The following EYS variants were observed in gnomAD, a reference collection of about 807,000 sequenced individuals.
The protein encoded by EYS is EGF-like photoreceptor maintenance factor, also known as protein eyes shut homolog.
Under a neutral mutation model 282.1 loss-of-function variants are expected in EYS, and 250 were observed. That is an observed-to-expected ratio of 0.89 (90% CI 0.80 to 0.98). EYS has a LOEUF of 0.98. EYS is among the 50% of genes least tolerant of loss of function. EYS has a pLI of 0.00. For synonymous variants in EYS, 1,355 were observed against 1,282.9 expected, an observed-to-expected ratio of 1.06 and a Z score of -1.20; for missense variants, 4,016 against 3,709.0, an observed-to-expected ratio of 1.08 and a Z score of -2.15.
chr6:65,462,524 C>A (rs532164274), intron 5 of EYS, among the ~76,000 whole-genome samples: 1 of 151,752 alleles, frequency 6.6e-6, no homozygotes, highest in African/African-American at 2.4e-5. Context: ...TATTAGAATT[C>A]TATTTATTAT....
intron 22 of EYS, among the ~76,000 whole-genome samples, chr6:64,652,848 C>T (rs181936341): frequency 2.6e-5 from 4 of 152,168 alleles, no homozygotes; most frequent in East Asian, 3.9e-4. Flanking sequence ...TTACAAACTT[C>T]GTAAGAACTA....
At chr6:65,126,095 G>C (rs565385888) in intron 12 of EYS, among the ~76,000 whole-genome samples, 1 of 151,964 alleles carries the variant, frequency 6.6e-6, no homozygotes, top group Non-Finnish European at 1.5e-5. Context: ...AACAAGTCAG[G>C]GTTTTGTTTC....
At chr6:65,633,574 T>C in intron 2 of EYS, among the ~76,000 whole-genome samples, 1 of 152,230 alleles carries the variant, frequency 6.6e-6, no homozygotes, top group East Asian at 1.9e-4. Flanking sequence ...TTCACACTGG[T>C]ATTAAGTGGT....
chr6:64,770,732 TAGCAGTATTCATAA>T (rs1773500796), intron 22 of EYS, among the ~76,000 whole-genome samples: 1 of 151,932 alleles, frequency 6.6e-6, no homozygotes, highest in Non-Finnish European at 1.5e-5. Context: ...TTATTATTAG[TAGCAGTATTCATAA>T]AGGAACCTCA....
chr6:64,701,522 C>T (rs1440939967), intron 22 of EYS, among the ~76,000 whole-genome samples: 1 of 152,056 alleles, frequency 6.6e-6, no homozygotes, highest in Non-Finnish European at 1.5e-5. Flanking sequence ...CAGCACTATT[C>T]ACATGCCTTT....
intron 26 of EYS, among the ~76,000 whole-genome samples, chr6:64,535,549 G>A (rs369949657): frequency 6.8e-6 from 1 of 147,666 alleles, no homozygotes; most frequent in Non-Finnish European, 1.5e-5. Flanking sequence ...ACCATCTTGG[G>A]CAACATAGTG....
chr6:63,857,071 C>T (rs144955726), intron 36 of EYS, among the ~76,000 whole-genome samples: 45 of 152,254 alleles, frequency 3.0e-4, no homozygotes, highest in Middle Eastern at 3.4e-3. Flanking sequence ...TCTTACTGAA[C>T]ATTTCCAGGC....
chr6:65,273,987 C>G (rs1315239025), intron 12 of EYS, among the ~76,000 whole-genome samples: 1 of 152,168 alleles, frequency 6.6e-6, no homozygotes, highest in Non-Finnish European at 1.5e-5. Context: ...TAAAACATCA[C>G]TGGTGTCTAC....
chr6:63,982,070 C>A (rs1767125864), intron 35 of EYS, among the ~76,000 whole-genome samples: 2 of 151,758 alleles, frequency 1.3e-5, no homozygotes, highest in Admixed American at 1.3e-4. Flanking sequence ...TTAATTCATG[C>A]AGATAAGAGG....
chr6:65,234,315 A>T (rs1056049106), intron 12 of EYS, among the ~76,000 whole-genome samples: 5 of 152,076 alleles, frequency 3.3e-5, no homozygotes, highest in East Asian at 1.9e-4. Context: ...TGGTGTTATT[A>T]TTTCCTGGTC....
intron 29 of EYS, among the ~76,000 whole-genome samples, chr6:64,380,679 C>A (rs1414680783): frequency 6.6e-6 from 1 of 152,014 alleles, no homozygotes; most frequent in Admixed American, 6.6e-5. Flanking sequence ...TTGCTATACA[C>A]CAAATAATTT....
chr6:64,606,758 T>C (rs1339631021), intron 24 of EYS, among the ~76,000 whole-genome samples: 6 of 151,460 alleles, frequency 4.0e-5, no homozygotes, highest in Admixed American at 3.3e-4. Context: ...ACTCTGGGAA[T>C]GTGCACACAG....
At chr6:65,098,317 C>T (rs141123932) in intron 12 of EYS, among the ~76,000 whole-genome samples, 1 of 150,656 alleles carries the variant, frequency 6.6e-6, no homozygotes, top group East Asian at 1.9e-4. Context: ...GGAGATGTCA[C>T]TCCTATAGCC....
chr6:64,767,618 T>C (rs1340440994), intron 22 of EYS, among the ~76,000 whole-genome samples: 1 of 152,196 alleles, frequency 6.6e-6, no homozygotes, highest in Non-Finnish European at 1.5e-5. Context: ...CAAAATTTCA[T>C]TCTTTTGTAT....
At chr6:65,608,411 A>G (rs576960970) in intron 2 of EYS, among the ~76,000 whole-genome samples, 10 of 152,164 alleles carry the variant, frequency 6.6e-5, no homozygotes, top group African/African-American at 2.4e-4. Context: ...TGAGTCAGTG[A>G]GTGAGTGCTG....
intron 2 of EYS, among the ~76,000 whole-genome samples, chr6:65,518,323 C>T (rs890024701): frequency 6.6e-6 from 1 of 152,106 alleles, no homozygotes; most frequent in Non-Finnish European, 1.5e-5. Flanking sequence ...GTTTTCACCT[C>T]CAACTTTCCA....
At chr6:65,688,850 C>A (rs1253559848) in intron 1 of EYS, among the ~76,000 whole-genome samples, 8 of 151,490 alleles carry the variant, frequency 5.3e-5, no homozygotes, top group Admixed American at 4.0e-4. Flanking sequence ...GTTAGAATGG[C>A]GATCATTAAA....
At chr6:64,701,534 G>C (rs758885072) in intron 22 of EYS, among the ~76,000 whole-genome samples, 2 of 152,030 alleles carry the variant, frequency 1.3e-5, no homozygotes, top group Non-Finnish European at 2.9e-5. Context: ...CATGCCTTTG[G>C]TATTTTAATA....
intron 12 of EYS, among the ~76,000 whole-genome samples, chr6:65,152,432 C>G (rs1034763935): frequency 2.0e-5 from 3 of 151,858 alleles, no homozygotes; most frequent in Non-Finnish European, 4.4e-5. Context: ...ACAGTTGGCC[C>G]TAATCCAATT....
Sources: allele counts gnomAD v4.1 joint callset (sites outside exome capture counted in the v4.1 genomes callset), GRCh38; gene constraint gnomAD v4.1.1; transcripts MANE v1.5; gene names NCBI Gene and HGNC (gene_info 2026-07-23, HGNC 2026-07-21).